The following PRIM2 variants were observed in gnomAD, a reference collection of about 807,000 sequenced individuals.
PRIM2 encodes DNA primase large subunit.
PRIM2 carries 39 observed loss-of-function variants against 67.3 expected under a neutral mutation model. That is an observed-to-expected ratio of 0.58 (90% confidence interval 0.45 to 0.76). The LOEUF (loss-of-function observed/expected upper bound fraction) is 0.76, where lower values mean the gene tolerates loss of function less well. Among genes scored for constraint, PRIM2 ranks in the 30% least tolerant of loss-of-function variants. PRIM2 has a pLI of 0.00. For synonymous variants in PRIM2, 143 were observed against 198.7 expected, an observed-to-expected ratio of 0.72 and a Z score of 2.36; for missense variants, 398 against 598.7, an observed-to-expected ratio of 0.66 and a Z score of 3.50.
At chr6:57,295,990 T>C in the PRIM2 span, among the ~76,000 whole-genome samples, 29 of 152,288 alleles carry the variant, frequency 1.9e-4, no homozygotes, top group Admixed American at 1.2e-3. Context: ...GTGACATTTA[T>C]AACCATATCA....
At chr6:57,489,513 T>C (rs1451829871) in intron 7 of PRIM2, among the ~76,000 whole-genome samples, 162 of 152,092 alleles carry the variant, frequency 1.1e-3, no homozygotes, top group Non-Finnish European at 1.9e-3. Flanking sequence ...GCCGAGATCG[T>C]TCCACTGCAC....
chr6:57,373,811 G>A (rs1158777902), intron 5 of PRIM2, among the ~76,000 whole-genome samples: 1 of 152,268 alleles, frequency 6.6e-6, no homozygotes, highest in South Asian at 2.1e-4. Context: ...CTATGTGCCT[G>A]TTTTTATACC....
chr6:57,595,209 T>C (rs1245132188), intron 10 of PRIM2, among the ~76,000 whole-genome samples: 1 of 152,190 alleles, frequency 6.6e-6, no homozygotes, highest in African/African-American at 2.4e-5. Context: ...TCCACTTCTA[T>C]GTATTTATCC....
chr6:57,413,014 T>G (rs1771143036), intron 7 of PRIM2, among the ~76,000 whole-genome samples: 1 of 152,122 alleles, frequency 6.6e-6, no homozygotes, highest in East Asian at 1.9e-4. Flanking sequence ...TGCTTGTAAG[T>G]TAGTTTTTTG....
intron 5 of PRIM2, among the ~76,000 whole-genome samples, chr6:57,355,262 C>T (rs1768992436): frequency 6.7e-6 from 1 of 150,260 alleles, no homozygotes; most frequent in African/African-American, 2.5e-5. Context: ...TGAGATTGCG[C>T]CACTGCACTC....
At chr6:57,465,830 T>A (rs976579047) in intron 7 of PRIM2, among the ~76,000 whole-genome samples, 14 of 150,934 alleles carry the variant, frequency 9.3e-5, no homozygotes, top group African/African-American at 2.5e-4. Flanking sequence ...TCTTTTTTTT[T>A]ATAATTATAC....
intron 9 of PRIM2, among the ~76,000 whole-genome samples, chr6:57,534,891 C>T (rs1304921899): frequency 6.6e-6 from 1 of 152,178 alleles, no homozygotes; most frequent in Admixed American, 6.6e-5. Flanking sequence ...AAAGGCTTCC[C>T]TGGCCACCCA....
At chr6:57,539,642 GTGTGTGTGTGTGTGTA>G (rs1207273502) in intron 10 of PRIM2, among the ~76,000 whole-genome samples, 37 of 71,148 alleles carry the variant, frequency 5.2e-4, no homozygotes, top group African/African-American at 2.4e-3. Flanking sequence ...GTGTGTGTGT[GTGTGTGTGTGTGTGTA>G]TATATATATA....
chr6:57,602,574 A>C (rs1776490593), intron 11 of PRIM2, among the ~76,000 whole-genome samples: 1 of 152,216 alleles, frequency 6.6e-6, no homozygotes, highest in Non-Finnish European at 1.5e-5. Flanking sequence ...CATACCAGGC[A>C]GTCAACTTAT....
chr6:57,314,263 C>T (rs1767439552), upstream of PRIM2, among the ~76,000 whole-genome samples: 2 of 152,148 alleles, frequency 1.3e-5, no homozygotes, highest in African/African-American at 4.8e-5. Context: ...GCCTATAATC[C>T]CAGCACTTAG....
At chr6:57,234,982 G>A in the PRIM2 span, among the ~76,000 whole-genome samples, 13 of 152,112 alleles carry the variant, frequency 8.5e-5, no homozygotes, top group Non-Finnish European at 1.6e-4. Flanking sequence ...AGACCAGCCT[G>A]GGCAACATAG....
chr6:57,604,567 C>A (rs1776527096), intron 11 of PRIM2, among the ~76,000 whole-genome samples: 1 of 151,928 alleles, frequency 6.6e-6, no homozygotes, highest in African/African-American at 2.4e-5. Flanking sequence ...ATGGTTTGAG[C>A]TTTGGCCCAT....
chr6:57,458,056 C>T (rs1355404182), intron 7 of PRIM2, among the ~76,000 whole-genome samples: 1 of 152,214 alleles, frequency 6.6e-6, no homozygotes, highest in African/African-American at 2.4e-5. Flanking sequence ...TCTTAGTTCA[C>T]ATTCCTGAGA....
chr6:57,308,276 C>T, the PRIM2 span, among the ~76,000 whole-genome samples: 1 of 151,982 alleles, frequency 6.6e-6, no homozygotes, highest in African/African-American at 2.4e-5. Flanking sequence ...GCTCGTGCCA[C>T]CATATCTGGC....
At chr6:57,316,752 T>G (rs771687180), upstream of PRIM2, among the ~76,000 whole-genome samples, 9 of 152,236 alleles carry the variant, frequency 5.9e-5, no homozygotes, top group Non-Finnish European at 1.2e-4. Flanking sequence ...ACTGGTGTGG[T>G]GGCTCTGACG....
At chr6:57,463,321 C>T (rs769145924) in intron 7 of PRIM2, among the ~76,000 whole-genome samples, 4,962 of 152,140 alleles carry the variant, frequency 0.033, 271 homozygotes, top group African/African-American at 0.11. Context: ...GTGAGACCCC[C>T]GTCTCTACAA....
At chr6:57,290,090 T>C in the PRIM2 span, among the ~76,000 whole-genome samples, 1 of 109,694 alleles carries the variant, frequency 9.1e-6, no homozygotes, top group Non-Finnish European at 1.9e-5. Flanking sequence ...AGGCTCCAAA[T>C]AAAGGGATGG....
intron 10 of PRIM2, among the ~76,000 whole-genome samples, chr6:57,577,427 ATT>A (rs1161633688): frequency 3.3e-4 from 40 of 121,654 alleles, no homozygotes; most frequent in African/African-American, 4.1e-4. Context: ...TGGTATATAA[ATT>A]TTTTTTTTTT....
rs1227995000 is a variant in PRIM2 at position 57,403,475 on chromosome 6, G to T, written c.693+21307G>T. 2.0e-5 allele frequency among the ~76,000 whole-genome samples: 3 copies of T among 151,762 alleles called. No individual in the cohort carries two copies. In the South Asian group the frequency reaches 6.2e-4, roughly 32 times the overall value. On this transcript the variant is annotated intron_variant, in intron 7 of 13. Coordinates refer to ENST00000615550, the MANE Select transcript of PRIM2 (RefSeq NM_000947.5). The stretch of plus-strand genomic sequence containing the variant: ...GACGGGGTTTCACCATGTTAGCCAG[G>T]ATGGTCTCAATCTCCTGACCTCATG...
Sources: allele counts gnomAD v4.1 joint callset (sites outside exome capture counted in the v4.1 genomes callset), GRCh38; gene constraint gnomAD v4.1.1; transcripts MANE v1.5; gene names NCBI Gene and HGNC (gene_info 2026-07-23, HGNC 2026-07-21).